BRAF: variants seen among roughly 807,000 people sequenced by gnomAD.
BRAF encodes serine/threonine-protein kinase B-raf.
A neutral mutation model predicts 104.6 loss-of-function variants in BRAF; 16 were observed. The ratio of observed to expected loss-of-function variants is 0.15; its 90% CI spans 0.10 to 0.23. The LOEUF (loss-of-function observed/expected upper bound fraction) is 0.23, where lower values mean the gene tolerates loss of function less well. BRAF is among the 10% of genes least tolerant of loss of function. The pLI is 1.00. For missense variants in BRAF, 541 were observed against 937.3 expected (o/e 0.58, Z 5.52); for synonymous variants, 310 against 341.6 (o/e 0.91, Z 1.02).
rs927084447 is a variant in BRAF, at chr7:140,877,811, T to C, written c.139-27599A>G. On this transcript the variant is annotated intron_variant, in intron 1 of 19. Transcript: ENST00000644969. ...CAAAACTCTCACAGGATAAAAGATA[T>C]CTGAAGATATCTTTTATATTCACAA... 6.4e-4 allele frequency among the ~76,000 whole-genome samples: 98 copies of C among 152,040 alleles called. 4 individuals carry two copies. Among genetic ancestry groups the C allele is most frequent in the Non-Finnish European group, 4.1e-4 (28 of 67,990 alleles).
At chr7:140,796,927 C>T (rs1802551546) in intron 7 of BRAF, among the ~76,000 whole-genome samples, 1 of 152,088 alleles carries the variant, frequency 6.6e-6, no homozygotes, top group African/African-American at 2.4e-5. Context: ...AAAATATTAC[C>T]TGGTATCCTG....
chr7:140,720,864 C>A lies in BRAF; in HGVS notation c.*5630G>T, dbSNP rs1202653560. On this transcript the variant is annotated 3_prime_UTR_variant, in exon 20 of 20. Coordinates refer to ENST00000644969, the MANE Select transcript of BRAF (RefSeq NM_001374258.1). ...CTTCATCAAAACCCCCAATCCCACC[C>A]GTCAACAGACCCTTCCTTTGCGGCA... The A allele has an allele frequency of 9.4e-7, 1 of 1,066,178 alleles. No homozygotes were observed. The highest frequency in any genetic ancestry group is 5.0e-5 in the East Asian group (1 of 20,190). The allele number at this position is 1,066,178 out of a possible 1,614,324, so 66.0% of individuals were successfully genotyped here.
At chr7:140,841,106 T>C (rs908957984) in intron 2 of BRAF, among the ~76,000 whole-genome samples, 23 of 152,060 alleles carry the variant, frequency 1.5e-4, no homozygotes, top group African/African-American at 4.6e-4. Flanking sequence ...AAAGAAGATA[T>C]ACAAATGGCT....
At position 140,834,753 on chromosome 7, in the gene BRAF, A is replaced by C; in HGVS notation, c.360T>G (p.Val120=). ...SVSSSASMDT[V]TSSSSSSLSV... ...AAAGGCTAGAAGAGGAAGAAGATGT[A>C]ACGGTATCCATTGATGCAGAGCTAG... The change falls in exon 3 of 20, where the codon GTT becomes GTG. Residue 120 remains valine, a synonymous_variant. Coordinates refer to ENST00000644969, the MANE Select transcript of BRAF (RefSeq NM_001374258.1). The C allele has an allele frequency of 6.2e-7, 1 of 1,614,204 alleles. No individual in the cohort carries two copies. The highest frequency in any genetic ancestry group is 8.5e-7 in the Non-Finnish European group (1 of 1,180,024).
intron 3 of BRAF, among the ~76,000 whole-genome samples, chr7:140,819,439 T>C (rs55875248): frequency 0.057 from 8,611 of 152,182 alleles, 288 homozygotes; most frequent in South Asian, 0.11. Context: ...GAAAGTAAAA[T>C]GGTGTAGCCA....
chr7:140,884,636 C>T (rs1331638119), intron 1 of BRAF, among the ~76,000 whole-genome samples: 6 of 151,856 alleles, frequency 4.0e-5, no homozygotes, highest in African/African-American at 1.5e-4. Context: ...CACACCATCA[C>T]GTCTGGCTAA....
At chr7:140,727,977 T>C (rs1017255846) in intron 19 of BRAF, among the ~76,000 whole-genome samples, 7 of 152,218 alleles carry the variant, frequency 4.6e-5, no homozygotes, top group African/African-American at 1.7e-4. Flanking sequence ...CAATCACTTA[T>C]ATGAATATAC....
intron 1 of BRAF, among the ~76,000 whole-genome samples, chr7:140,886,264 AC>A (rs1188857514): frequency 2.0e-5 from 3 of 152,198 alleles, no homozygotes; most frequent in Non-Finnish European, 4.4e-5. Flanking sequence ...CCTACTACTT[AC>A]AAAGGCATTC....
chr7:140,810,679 G>A (rs1804166229), intron 3 of BRAF, among the ~76,000 whole-genome samples: 7 of 152,144 alleles, frequency 4.6e-5, no homozygotes, highest in Admixed American at 4.6e-4. Flanking sequence ...TGGTACAGTT[G>A]ATCCTCATTA....
At chr7:140,879,738 T>TC (rs1812673705) in intron 1 of BRAF, among the ~76,000 whole-genome samples, 1 of 151,068 alleles carries the variant, frequency 6.6e-6, no homozygotes, top group African/African-American at 2.4e-5. Flanking sequence ...TTCTTTCTTT[T>TC]TTTTTTTTTT....
At chr7:140,863,395 T>C (rs1212856902) in intron 1 of BRAF, among the ~76,000 whole-genome samples, 1 of 152,170 alleles carries the variant, frequency 6.6e-6, no homozygotes. Flanking sequence ...TCAGAAAAAT[T>C]AGGCAATATG....
chr7:140,815,059 C>G (rs1161837030), intron 3 of BRAF, among the ~76,000 whole-genome samples: 1 of 151,290 alleles, frequency 6.6e-6, no homozygotes, highest in African/African-American at 2.4e-5. Context: ...ATTTTGAATA[C>G]AAATTTAAAT....
chr7:140,920,521 A>G (rs868815521), intron 1 of BRAF, among the ~76,000 whole-genome samples: 2 of 152,192 alleles, frequency 1.3e-5, no homozygotes, highest in African/African-American at 4.8e-5. Flanking sequence ...AAAAACAAGA[A>G]AAGTCAGACT....
intron 2 of BRAF, among the ~76,000 whole-genome samples, chr7:140,839,056 T>TA (rs796130766): frequency 1.2e-4 from 19 of 152,294 alleles, no homozygotes; most frequent in African/African-American, 4.6e-4. Flanking sequence ...TTTTTTTTTT[T>TA]ACAAAGCCAG....
At chr7:140,804,915 C>T (rs1803506072) in intron 5 of BRAF, among the ~76,000 whole-genome samples, 1 of 152,064 alleles carries the variant, frequency 6.6e-6, no homozygotes, top group Admixed American at 6.5e-5. Flanking sequence ...AAGTTATCCT[C>T]CCACCTCAGG....
rs879469761 is a variant in BRAF, at chr7:140,853,965, TA to T, written c.139-3754del. Among the ~76,000 whole-genome samples the T allele has an allele frequency of 1.1e-3, 167 of 151,544 alleles. 3 individuals carry two copies. The highest frequency in any genetic ancestry group is 9.1e-3 in the Admixed American group (139 of 15,210). On this transcript the variant is annotated intron_variant, in intron 1 of 19. Coordinates refer to ENST00000644969, the MANE Select transcript of BRAF (RefSeq NM_001374258.1). The stretch of plus-strand genomic sequence containing the variant: ...TACAATAAGCAAACATATATTTGTT[TA>T]AAAAAAAATGAATACTTTATTTATT...
intron 8 of BRAF, among the ~76,000 whole-genome samples, chr7:140,787,897 T>C (rs537078224): frequency 7.4e-4 from 113 of 152,302 alleles, no homozygotes; most frequent in African/African-American, 2.5e-3. Flanking sequence ...GAAAACCAAA[T>C]ACTGTGTTTT....
intron 17 of BRAF, among the ~76,000 whole-genome samples, chr7:140,747,134 C>T (rs991221752): frequency 6.6e-6 from 1 of 152,170 alleles, no homozygotes; most frequent in Non-Finnish European, 1.5e-5. Context: ...ATACCTGGGG[C>T]AGCTTCACTG....
intron 14 of BRAF, among the ~76,000 whole-genome samples, chr7:140,759,353 C>T (rs1286249605): frequency 6.6e-6 from 1 of 152,134 alleles, no homozygotes; most frequent in East Asian, 1.9e-4. Flanking sequence ...GTTCTTTATC[C>T]TTGATAATAC....
Sources: gnomAD v4.1 joint callset for allele counts (sites outside exome capture counted in the v4.1 genomes callset) on GRCh38, gnomAD v4.1.1 for gene constraint, MANE v1.5 for transcripts, NCBI Gene and HGNC (gene_info 2026-07-23, HGNC 2026-07-21) for gene names.